The following KIAA0825 variants were observed in gnomAD, a reference collection of about 807,000 sequenced individuals.
KIAA0825 encodes the protein KIAA0825, also known as uncharacterized protein KIAA0825.
KIAA0825 carries 119 observed loss-of-function variants against 147.6 expected under a neutral mutation model. The ratio of observed to expected loss-of-function variants is 0.81; its 90% CI spans 0.69 to 0.94. The LOEUF (loss-of-function observed/expected upper bound fraction) is 0.94. KIAA0825 is among the 40% of genes least tolerant of loss of function. KIAA0825 has a pLI of 0.00. For missense variants in KIAA0825, 1,381 were observed against 1,472.7 expected (o/e 0.94, Z 1.02); for synonymous variants, 470 against 518.1 (o/e 0.91, Z 1.26).
intron 5 of KIAA0825, among the ~76,000 whole-genome samples, chr5:94,499,078 T>G (rs1031709111): frequency 1.3e-5 from 2 of 152,204 alleles, no homozygotes; most frequent in Non-Finnish European, 2.9e-5. Context: ...TAAACTGATT[T>G]CAAACTTTAG....
At chr5:94,340,288 T>C (rs1450460632) in intron 20 of KIAA0825, among the ~76,000 whole-genome samples, 1 of 152,112 alleles carries the variant, frequency 6.6e-6, no homozygotes, top group South Asian at 2.1e-4. Context: ...TGCTGTATTG[T>C]TTAGGAAATA....
chr5:94,403,561 GTACT>G lies in KIAA0825; in HGVS notation c.2887+4_2887+7del. ...TGTATTTTCTTAAAGAGAAACAAGT[GTACT>G]TACTTTTGCATGATTCTTTCCTGTT... On this transcript the variant is annotated splice_donor_5th_base_variant and intron_variant, in intron 16 of 20. Coordinates refer to ENST00000682413, the MANE Select transcript of KIAA0825 (RefSeq NM_001145678.3). 1.3e-6 allele frequency: 2 copies of G among 1,547,028 alleles called. No individual in the cohort carries two copies. Among genetic ancestry groups the G allele is most frequent in the South Asian group, 1.2e-5 (1 of 83,926 alleles).
At chr5:94,587,639 C>T (rs950154706) in intron 1 of KIAA0825, among the ~76,000 whole-genome samples, 1 of 152,146 alleles carries the variant, frequency 6.6e-6, no homozygotes, top group Non-Finnish European at 1.5e-5. Flanking sequence ...TTTATAGATT[C>T]AATGCTATCC....
intron 20 of KIAA0825, among the ~76,000 whole-genome samples, chr5:94,351,297 G>A (rs2150364784): frequency 6.6e-6 from 1 of 152,166 alleles, no homozygotes; most frequent in Non-Finnish European, 1.5e-5. Flanking sequence ...TGGAGAATCA[G>A]ATCAACAACT....
intron 2 of KIAA0825, among the ~76,000 whole-genome samples, chr5:94,565,057 T>C (rs375039028): frequency 7.2e-5 from 10 of 139,230 alleles, no homozygotes; most frequent in African/African-American, 2.5e-4. Flanking sequence ...CTCTCTCTCT[T>C]TCTTTCCTGT....
At chr5:94,524,485 T>C (rs934535023) in intron 3 of KIAA0825, among the ~76,000 whole-genome samples, 1 of 151,734 alleles carries the variant, frequency 6.6e-6, no homozygotes, top group African/African-American at 2.4e-5. Flanking sequence ...TGAAGGACTA[T>C]ATAAATTATG....
chr5:94,164,517 T>C (rs2149928657), intron 20 of KIAA0825, among the ~76,000 whole-genome samples: 1 of 152,132 alleles, frequency 6.6e-6, no homozygotes, highest in East Asian at 1.9e-4. Flanking sequence ...GTTCAAGTGA[T>C]TCTCCTGCCT....
At chr5:94,367,452 G>A (rs1584272233) in intron 20 of KIAA0825, among the ~76,000 whole-genome samples, 1 of 151,960 alleles carries the variant, frequency 6.6e-6, no homozygotes, top group African/African-American at 2.4e-5. Flanking sequence ...GAGCCAAGAT[G>A]GCACCATTGC....
intron 15 of KIAA0825, among the ~76,000 whole-genome samples, chr5:94,406,973 T>G (rs992741968): frequency 1.3e-5 from 2 of 152,210 alleles, no homozygotes; most frequent in African/African-American, 4.8e-5. Flanking sequence ...CCAGGATGTT[T>G]CGTCAAAACA....
At chr5:94,343,280 G>A (rs1782626016) in intron 20 of KIAA0825, among the ~76,000 whole-genome samples, 1 of 152,168 alleles carries the variant, frequency 6.6e-6, no homozygotes, top group Non-Finnish European at 1.5e-5. Flanking sequence ...TGACTTTGGG[G>A]TAGGGAAAGG....
chr5:94,187,982 T>G (rs1770299058), intron 20 of KIAA0825, among the ~76,000 whole-genome samples: 1 of 152,182 alleles, frequency 6.6e-6, no homozygotes, highest in South Asian at 2.1e-4. Flanking sequence ...CAAAGACGAT[T>G]AGGTCACAAA....
At chr5:94,488,700 C>A (rs1763354501) in intron 5 of KIAA0825, among the ~76,000 whole-genome samples, 1 of 152,108 alleles carries the variant, frequency 6.6e-6, no homozygotes, top group Non-Finnish European at 1.5e-5. Flanking sequence ...CACTCAGGGA[C>A]TAATGTTTGT....
chr5:94,280,903 G>A (rs1370937880), intron 20 of KIAA0825, among the ~76,000 whole-genome samples: 1 of 152,066 alleles, frequency 6.6e-6, no homozygotes, highest in Non-Finnish European at 1.5e-5. Context: ...AACTGTATCA[G>A]TGTTTTGAGC....
chr5:94,152,586 A>T lies in KIAA0825; in HGVS notation c.*1421T>A, dbSNP rs1002307883. 1.7e-4 allele frequency among the ~76,000 whole-genome samples: 25 copies of T among 151,352 alleles called. No individual in the cohort carries two copies. Among genetic ancestry groups the T allele is most frequent in the Admixed American group, 4.6e-4 (7 of 15,188 alleles). On this transcript the variant is annotated 3_prime_UTR_variant, in exon 21 of 21. Coordinates refer to ENST00000682413, the MANE Select transcript of KIAA0825 (RefSeq NM_001145678.3). ...ACAACTGTAGTTCTAGCTAGGTGGG[A>T]GAATCACTTGAGACAAGGAGTTCAA...
At chr5:94,599,107 G>A (rs1785851418) in intron 1 of KIAA0825, among the ~76,000 whole-genome samples, 3 of 151,986 alleles carry the variant, frequency 2.0e-5, no homozygotes. Context: ...GTATGTAAGA[G>A]TTCTCTTTTC....
chr5:94,342,442 G>T (rs1383986055), intron 20 of KIAA0825, among the ~76,000 whole-genome samples: 1 of 152,160 alleles, frequency 6.6e-6, no homozygotes, highest in Non-Finnish European at 1.5e-5. Flanking sequence ...AAATTTGGAA[G>T]TCAGTATCAA....
At position 94,156,988 on chromosome 5, in the gene KIAA0825, TAA is replaced by T. The variant is rs71615117; in HGVS notation, c.3711-2866_3711-2865del. On this transcript the variant is annotated intron_variant, in intron 20 of 20. Coordinates refer to ENST00000682413, the MANE Select transcript of KIAA0825 (RefSeq NM_001145678.3). Reference sequence around the variant, plus strand: ...TGCAAAAACAACAAGTCAATTCTGTTAAAAAAAAAATACTGAAAGAGAAAAGA... The same window carrying T: ...TGCAAAAACAACAAGTCAATTCTGTTAAAAAAAATACTGAAAGAGAAAAGA... Among the ~76,000 whole-genome samples, 29 of 149,404 alleles carry T rather than the reference TAA, an allele frequency of 1.9e-4. No homozygotes were observed. The South Asian group carries it at 5.9e-3, about 30-fold the overall frequency.
At chr5:94,491,044 AC>A (rs1207980433) in intron 5 of KIAA0825, among the ~76,000 whole-genome samples, 1 of 152,148 alleles carries the variant, frequency 6.6e-6, no homozygotes, top group African/African-American at 2.4e-5. Flanking sequence ...GTGGTAAGAT[AC>A]AAGAGAAAAT....
chr5:94,402,287 C>T (rs1751485337), intron 16 of KIAA0825, among the ~76,000 whole-genome samples: 1 of 151,940 alleles, frequency 6.6e-6, no homozygotes, highest in Non-Finnish European at 1.5e-5. Flanking sequence ...TAGAATGACT[C>T]GAAAGCCACA....
Sources: allele counts gnomAD v4.1 joint callset (sites outside exome capture counted in the v4.1 genomes callset), GRCh38; gene constraint gnomAD v4.1.1; transcripts MANE v1.5; gene names NCBI Gene and HGNC (gene_info 2026-07-23, HGNC 2026-07-21).